The following ERC2 variants were observed in gnomAD, a reference collection of about 807,000 sequenced individuals.
ERC2 encodes ERC protein 2.
In ERC2, 42 loss-of-function variants were observed where a neutral mutation model predicts 114.8. The observed-to-expected ratio is 0.37, with a 90% CI of 0.29 to 0.47. The LOEUF (loss-of-function observed/expected upper bound fraction) is 0.47, where lower values mean the gene tolerates loss of function less well. Ranked by LOEUF, ERC2 falls within the 20% of genes least tolerant of loss-of-function variation. The pLI is 0.99. For synonymous variants in ERC2, 454 were observed against 425.5 expected (o/e 1.07, Z -0.82); for missense variants, 939 against 1,150.7 (o/e 0.82, Z 2.66).
intron 17 of ERC2, among the ~76,000 whole-genome samples, chr3:55,637,853 G>C (rs1192853959): frequency 6.6e-6 from 1 of 151,840 alleles, no homozygotes; most frequent in Non-Finnish European, 1.5e-5. Context: ...CATGGGCTAA[G>C]AATTTGACAT....
intron 2 of ERC2, among the ~76,000 whole-genome samples, chr3:56,424,653 G>T (rs546683541): frequency 6.6e-6 from 1 of 152,276 alleles, no homozygotes; most frequent in East Asian, 1.9e-4. Flanking sequence ...ACTCATCTCT[G>T]AAAGGCATTT....
At chr3:55,871,811 A>T (rs955479393) in intron 14 of ERC2, among the ~76,000 whole-genome samples, 1 of 152,160 alleles carries the variant, frequency 6.6e-6, no homozygotes, top group Non-Finnish European at 1.5e-5. Context: ...TTTTACAGCA[A>T]TATTTTTTAA....
At chr3:55,559,357 A>G (rs904220048) in intron 17 of ERC2, among the ~76,000 whole-genome samples, 1 of 152,260 alleles carries the variant, frequency 6.6e-6, no homozygotes, top group African/African-American at 2.4e-5. Context: ...CATGCACTTA[A>G]GGCCCATGCC....
chr3:55,969,448 G>A (rs1300551273), intron 12 of ERC2, among the ~76,000 whole-genome samples: 1 of 146,942 alleles, frequency 6.8e-6, no homozygotes, highest in Non-Finnish European at 1.5e-5. Context: ...CTTCACCACT[G>A]TATATACAGG....
intron 16 of ERC2, among the ~76,000 whole-genome samples, chr3:55,688,850 C>G (rs1428835688): frequency 6.6e-6 from 1 of 152,142 alleles, no homozygotes; most frequent in Non-Finnish European, 1.5e-5. Context: ...GACTGGATTC[C>G]TCTGAAGGAA....
At chr3:56,158,315 A>AT (rs2081852145) in intron 4 of ERC2, among the ~76,000 whole-genome samples, 3 of 151,934 alleles carry the variant, frequency 2.0e-5, no homozygotes, top group South Asian at 4.2e-4. Context: ...GAGACTTGCT[A>AT]TTTTTTCTCC....
intron 1 of ERC2, among the ~76,000 whole-genome samples, chr3:56,455,451 C>G (rs1183220399): frequency 2.6e-5 from 4 of 152,122 alleles, no homozygotes; most frequent in Non-Finnish European, 5.9e-5. Context: ...ACTTCCCTGT[C>G]TCATATCCTC....
chr3:55,759,354 C>A (rs538568976), intron 14 of ERC2, among the ~76,000 whole-genome samples: 1 of 151,392 alleles, frequency 6.6e-6, no homozygotes, highest in East Asian at 2.0e-4. Context: ...TTAAATCACT[C>A]GGGTTTCACT....
chr3:56,289,095 G>A (rs959303227), intron 3 of ERC2, among the ~76,000 whole-genome samples: 9 of 152,134 alleles, frequency 5.9e-5, no homozygotes, highest in Middle Eastern at 6.8e-3. Flanking sequence ...TTGGCTGCAC[G>A]GCTCCACCAA....
chr3:56,045,699 G>A (rs562908005), intron 7 of ERC2, among the ~76,000 whole-genome samples: 15 of 152,052 alleles, frequency 9.9e-5, no homozygotes, highest in Non-Finnish European at 2.2e-4. Context: ...ATGAGGTTAA[G>A]GTCAAAAATT....
chr3:55,888,716 T>C (rs772607491), intron 13 of ERC2, among the ~76,000 whole-genome samples, 167 bp from the exon 14 acceptor site: 13 of 152,062 alleles, frequency 8.5e-5, no homozygotes, highest in Non-Finnish European at 1.8e-4. Flanking sequence ...ACTATGAAAA[T>C]GCAAATGCCT....
At chr3:55,870,542 T>C (rs2062534780) in intron 14 of ERC2, among the ~76,000 whole-genome samples, 1 of 152,176 alleles carries the variant, frequency 6.6e-6, no homozygotes, top group African/African-American at 2.4e-5. Context: ...GGAGGGAATG[T>C]GATTTACACA....
intron 2 of ERC2, among the ~76,000 whole-genome samples, chr3:56,362,251 G>A (rs570468777): frequency 6.6e-6 from 1 of 152,334 alleles, no homozygotes; most frequent in Admixed American, 6.5e-5. Flanking sequence ...TTAAGTGTTA[G>A]AGCTTCAAGG....
chr3:56,447,217 A>C (rs2062617266), intron 1 of ERC2, among the ~76,000 whole-genome samples: 1 of 152,250 alleles, frequency 6.6e-6, no homozygotes, highest in Non-Finnish European at 1.5e-5. Context: ...CTTCCCTTGC[A>C]GGACCACAGA....
intron 14 of ERC2, among the ~76,000 whole-genome samples, chr3:55,762,772 A>C (rs2067533817): frequency 6.6e-6 from 1 of 152,330 alleles, no homozygotes; most frequent in Non-Finnish European, 1.5e-5. Flanking sequence ...TTCAAGGAAG[A>C]AAAGCCTACA....
chr3:55,880,009 T>TTGCA (rs1478415504), intron 14 of ERC2, among the ~76,000 whole-genome samples: 1 of 152,186 alleles, frequency 6.6e-6, no homozygotes, highest in African/African-American at 2.4e-5. Flanking sequence ...AGAACAGTGC[T>TTGCA]TGCACATAGC....
chr3:56,458,107 A>G (rs2063145913), intron 1 of ERC2, among the ~76,000 whole-genome samples: 1 of 152,252 alleles, frequency 6.6e-6, no homozygotes, highest in African/African-American at 2.4e-5. Context: ...ACTACATAAC[A>G]GAATGGCTTA....
chr3:55,737,033 C>A (rs2065677219), intron 14 of ERC2, among the ~76,000 whole-genome samples: 1 of 152,188 alleles, frequency 6.6e-6, no homozygotes, highest in Non-Finnish European at 1.5e-5. Flanking sequence ...ACATTGGGAA[C>A]TTCCCTCGCA....
chr3:55,861,246 G>A (rs1441692427), intron 14 of ERC2, among the ~76,000 whole-genome samples: 1 of 152,194 alleles, frequency 6.6e-6, no homozygotes, highest in Non-Finnish European at 1.5e-5. Context: ...TCATTCTTGA[G>A]GAACCTCCAC....
Sources: allele counts gnomAD v4.1 joint callset (sites outside exome capture counted in the v4.1 genomes callset), GRCh38; gene constraint gnomAD v4.1.1; transcripts MANE v1.5; gene names NCBI Gene and HGNC (gene_info 2026-07-23, HGNC 2026-07-21).